CACNB4: variants seen among roughly 807,000 people sequenced by gnomAD.
CACNB4 encodes the protein voltage-dependent L-type calcium channel subunit beta-4.
In CACNB4, 32 loss-of-function variants were observed where a neutral mutation model predicts 71.2. The observed-to-expected ratio is 0.45, with a 90% CI of 0.34 to 0.60. The LOEUF (loss-of-function observed/expected upper bound fraction) is 0.60, where lower values mean the gene tolerates loss of function less well. CACNB4 is among the 20% of genes least tolerant of loss of function. CACNB4 has a pLI of 0.01. For synonymous variants in CACNB4, 231 were observed against 236.9 expected, an observed-to-expected ratio of 0.97 and a Z score of 0.23; for missense variants, 464 against 647.9, an observed-to-expected ratio of 0.72 and a Z score of 3.08.
intron 2 of CACNB4, among the ~76,000 whole-genome samples, chr2:151,955,107 A>G (rs1314023984): frequency 1.3e-5 from 2 of 152,052 alleles, no homozygotes; most frequent in African/African-American, 2.4e-5. Context: ...CGCCCACCTC[A>G]GCCTCCCAAA....
chr2:151,842,165 G>T (rs1406149485), intron 12 of CACNB4, 77 bp from the exon 13 acceptor site: 3 of 1,213,168 alleles, frequency 2.5e-6, no homozygotes, highest in African/African-American at 3.0e-5. Context: ...ACTTAACACA[G>T]ATAATAGCAT....
intron 2 of CACNB4, among the ~76,000 whole-genome samples, chr2:151,994,632 T>G (rs1681938061): frequency 6.6e-6 from 1 of 152,168 alleles, no homozygotes; most frequent in Admixed American, 6.5e-5. Flanking sequence ...GTGCCTCAGC[T>G]TCCCAAGGAG....
intron 2 of CACNB4, chr2:151,968,169 GGGCAGGGCGCTAGCTTTACAC>G: frequency 6.6e-6 from 1 of 152,260 alleles, no homozygotes; most frequent in South Asian, 2.1e-4. Flanking sequence ...GTTGTTCTGA[GGGCAGGGCGCTAGCTTTACAC>G]GGCAGTGCCC....
chr2:151,864,998 A>C (rs2099842704), intron 9 of CACNB4, among the ~76,000 whole-genome samples: 1 of 152,198 alleles, frequency 6.6e-6, no homozygotes, highest in Non-Finnish European at 1.5e-5. Flanking sequence ...CTCAAAACCT[A>C]CTAATTTAAA....
chr2:152,075,610 G>A (rs922295067), intron 2 of CACNB4, among the ~76,000 whole-genome samples: 5 of 152,264 alleles, frequency 3.3e-5, no homozygotes, highest in South Asian at 2.1e-4. Flanking sequence ...ACTTTCCCAC[G>A]TTTGACTTGG....
chr2:151,918,274 G>A (rs957303423), intron 2 of CACNB4, among the ~76,000 whole-genome samples: 3 of 152,224 alleles, frequency 2.0e-5, no homozygotes, highest in African/African-American at 2.4e-5. Context: ...CAACAAGTAC[G>A]TACTAAGCAT....
intron 2 of CACNB4, among the ~76,000 whole-genome samples, chr2:152,045,720 A>G (rs549178139): frequency 2.0e-5 from 3 of 152,216 alleles, no homozygotes; most frequent in African/African-American, 7.2e-5. Context: ...CCAAGAGCAC[A>G]GACTGGAATT....
intron 2 of CACNB4, among the ~76,000 whole-genome samples, chr2:152,069,831 A>T: frequency 6.9e-6 from 1 of 144,714 alleles, no homozygotes; most frequent in Non-Finnish European, 1.5e-5. Flanking sequence ...CAACGACTTC[A>T]TCAATCTTTT....
At chr2:152,062,388 C>T (rs1448353232) in intron 2 of CACNB4, among the ~76,000 whole-genome samples, 1 of 152,190 alleles carries the variant, frequency 6.6e-6, no homozygotes, top group East Asian at 1.9e-4. Flanking sequence ...GACCACTCTT[C>T]TAAATCATTT....
chr2:151,905,889 A>G (rs373118093), intron 2 of CACNB4, among the ~76,000 whole-genome samples: 4 of 152,376 alleles, frequency 2.6e-5, no homozygotes, highest in South Asian at 2.1e-4. Flanking sequence ...TTCGTCTATC[A>G]AGTTCATATT....
intron 2 of CACNB4, among the ~76,000 whole-genome samples, chr2:152,062,852 T>C (rs1343128956): frequency 6.6e-6 from 1 of 152,168 alleles, no homozygotes; most frequent in Non-Finnish European, 1.5e-5. Context: ...ACATGAGGTG[T>C]GAACTGTGAG....
intron 2 of CACNB4, among the ~76,000 whole-genome samples, chr2:152,031,035 G>C (rs1302298921): frequency 3.3e-5 from 5 of 152,144 alleles, no homozygotes; most frequent in Non-Finnish European, 7.3e-5. Flanking sequence ...GGGTACTTGG[G>C]GTAGACAGGC....
In CACNB4 at chr2:151,966,423, G is replaced by A. The variant is rs1049305556; in HGVS notation, c.148-83053C>T. On this transcript the variant is annotated intron_variant, in intron 2 of 13. Coordinates refer to ENST00000539935, the MANE Select transcript of CACNB4 (RefSeq NM_000726.5). ...AGTCTCCTGGGTACCTGGGATTACA[G>A]GCACCCACCACCACGCCCAACTAAT... Among the ~76,000 whole-genome samples the A allele has an allele frequency of 7.9e-5, 12 of 152,164 alleles. No homozygotes were observed. The East Asian group carries it at 2.1e-3, about 27-fold the overall frequency.
chr2:151,912,621 C>A (rs1358552502), intron 2 of CACNB4, among the ~76,000 whole-genome samples: 1 of 152,196 alleles, frequency 6.6e-6, no homozygotes, highest in Non-Finnish European at 1.5e-5. Context: ...CCAGGTGGCA[C>A]TGAGAAGAAT....
Position 151,853,334 on chromosome 2 carries a change from A to G in CACNB4, c.1116+114T>C, listed in dbSNP as rs59865065. On this transcript the variant is annotated intron_variant, in intron 12 of 13. Coordinates refer to ENST00000539935, the MANE Select transcript of CACNB4 (RefSeq NM_000726.5). ...TTTGTTCCAAGAAATCTTTTAGATG[A>G]CAACATACCATCATCACCATCATTT... The G allele has an allele frequency of 2.1e-3, 1,320 of 621,206 alleles. 15 individuals are homozygous for G. The African/African-American group carries it at 0.024, about 11-fold the overall frequency. The allele number at this position is 621,206 out of a possible 1,614,324, so 38.5% of individuals were successfully genotyped here.
intron 12 of CACNB4, among the ~76,000 whole-genome samples, chr2:151,845,658 G>A (rs1302320164): frequency 2.0e-5 from 3 of 152,244 alleles, no homozygotes; most frequent in African/African-American, 7.2e-5. Flanking sequence ...ATCAGCAGAA[G>A]TCCCGGGCAG....
At chr2:152,007,232 C>A (rs1682781010) in intron 2 of CACNB4, among the ~76,000 whole-genome samples, 1 of 152,056 alleles carries the variant, frequency 6.6e-6, no homozygotes, top group Non-Finnish European at 1.5e-5. Context: ...GCATTTTAAC[C>A]ATCCGTAAGT....
At chr2:151,862,822 C>T (rs2099842079) in intron 9 of CACNB4, among the ~76,000 whole-genome samples, 1 of 152,204 alleles carries the variant, frequency 6.6e-6, no homozygotes, top group Non-Finnish European at 1.5e-5. Flanking sequence ...CACCTGACTC[C>T]ACCATTCTCT....
chr2:152,001,966 C>T (rs570440063), intron 2 of CACNB4, among the ~76,000 whole-genome samples: 22 of 152,298 alleles, frequency 1.4e-4, no homozygotes, highest in Non-Finnish European at 2.5e-4. Flanking sequence ...ATTCTGCCAG[C>T]AAAAACCTAA....
Sources: gnomAD v4.1 joint callset for allele counts (sites outside exome capture counted in the v4.1 genomes callset) on GRCh38, gnomAD v4.1.1 for gene constraint, MANE v1.5 for transcripts, NCBI Gene and HGNC (gene_info 2026-07-23, HGNC 2026-07-21) for gene names.